Variants in COL24A1 observed in about 807,000 individuals in gnomAD.
COL24A1 encodes the protein collagen alpha-1(XXIV) chain.
Under a neutral mutation model 253.9 loss-of-function variants are expected in COL24A1, and 224 were observed. That is an observed-to-expected ratio of 0.88 (90% CI 0.79 to 0.99). The LOEUF (loss-of-function observed/expected upper bound fraction) is 0.99, where lower values mean the gene tolerates loss of function less well. Ranked by LOEUF, COL24A1 falls within the 50% of genes least tolerant of loss-of-function variation. The pLI, the probability that COL24A1 is intolerant of heterozygous loss-of-function variation, is 0.00. For synonymous variants in COL24A1, 685 were observed against 673.7 expected (o/e 1.02, Z -0.26); for missense variants, 2,131 against 2,068.5 (o/e 1.03, Z -0.59).
At chr1:85,742,937 A>C (rs1664813669) in intron 57 of COL24A1, among the ~76,000 whole-genome samples, 1 of 152,092 alleles carries the variant, frequency 6.6e-6, no homozygotes, top group Admixed American at 6.5e-5. Flanking sequence ...TCAAGAATCT[A>C]ACCACTTTTT....
At chr1:86,051,782 C>CAGCTGG (rs1156500611) in intron 10 of COL24A1, among the ~76,000 whole-genome samples, 1 of 152,068 alleles carries the variant, frequency 6.6e-6, no homozygotes, top group Non-Finnish European at 1.5e-5. Flanking sequence ...CTAAAGTTTA[C>CAGCTGG]AGCTGGACTG....
chr1:85,973,327 C>G (rs1253500292), intron 20 of COL24A1, among the ~76,000 whole-genome samples: 1 of 151,982 alleles, frequency 6.6e-6, no homozygotes, highest in African/African-American at 2.4e-5. Flanking sequence ...CCAATGAATT[C>G]ATAATTTATT....
chr1:85,775,953 TGA>T (rs1668499149), intron 52 of COL24A1, among the ~76,000 whole-genome samples: 1 of 152,172 alleles, frequency 6.6e-6, no homozygotes. Context: ...AAGGTGAGAC[TGA>T]GATAACTACT....
intron 19 of COL24A1, 85 bp from the exon 20 acceptor site, chr1:85,987,739 C>A: frequency 8.6e-7 from 1 of 1,157,312 alleles, no homozygotes; most frequent in East Asian, 2.5e-5. Context: ...TGCTATTCCT[C>A]CATATCCAGT....
At chr1:86,058,474 G>A (rs890855999) in intron 9 of COL24A1, among the ~76,000 whole-genome samples, 2 of 150,928 alleles carry the variant, frequency 1.3e-5, no homozygotes, top group African/African-American at 4.8e-5. Context: ...ATGGAATTTT[G>A]TTAACAATTT....
rs150725011 is a variant in COL24A1, at chr1:86,024,096, T to C, written c.2050-1089A>G. ...TTTCCAGTCTCCTTTCCTTCCATTG[T>C]CCTCATTTCCCTTCCACTTTACTTC... On this transcript the variant is annotated intron_variant, in intron 14 of 59. Coordinates refer to ENST00000370571, the MANE Select transcript of COL24A1 (RefSeq NM_152890.7). Among the ~76,000 whole-genome samples the C allele has an allele frequency of 8.5e-5, 13 of 152,224 alleles. No homozygotes were observed. The East Asian group carries it at 2.5e-3, about 29-fold the overall frequency.
intron 37 of COL24A1, among the ~76,000 whole-genome samples, chr1:85,849,734 G>A (rs996297248): frequency 3.9e-5 from 6 of 152,100 alleles, no homozygotes; most frequent in African/African-American, 1.4e-4. Flanking sequence ...TGCCTTCTAC[G>A]TCACAGGCTG....
intron 19 of COL24A1, among the ~76,000 whole-genome samples, chr1:86,002,450 CT>C (rs1695514210): frequency 6.6e-6 from 1 of 152,180 alleles, no homozygotes; most frequent in Admixed American, 6.5e-5. Context: ...GCAAATGTAA[CT>C]TTTTCCTTTA....
chr1:85,873,269 A>T (rs980603057), intron 35 of COL24A1, among the ~76,000 whole-genome samples: 4 of 152,272 alleles, frequency 2.6e-5, no homozygotes, highest in Admixed American at 6.5e-5. Context: ...CCATTGTGGA[A>T]GACAGTGTGG....
intron 24 of COL24A1, among the ~76,000 whole-genome samples, chr1:85,948,432 G>A (rs1317318029): frequency 6.7e-6 from 1 of 148,404 alleles, no homozygotes; most frequent in Non-Finnish European, 1.5e-5. Flanking sequence ...GCTGAGGCAG[G>A]AGAATGGCGT....
intron 46 of COL24A1, among the ~76,000 whole-genome samples, chr1:85,817,098 C>T (rs1673116790): frequency 6.6e-6 from 1 of 152,072 alleles, no homozygotes; most frequent in Non-Finnish European, 1.5e-5. Flanking sequence ...TAAAAGTTCC[C>T]CAAACAAAAA....
In COL24A1 at chr1:86,017,132, C is replaced by A. The variant is rs771796059; in HGVS notation, c.2310+19G>T. ...CACCATTTTGTTTCAAATTTATTAA[C>A]TTTCCACCAATATTTTACCTCTGGT... is the stretch of plus-strand genomic sequence containing the variant. On this transcript the variant is annotated intron_variant, in intron 19 of 59. Transcript: ENST00000370571. The A allele has an allele frequency of 6.3e-7, 1 of 1,592,128 alleles. No homozygotes were observed. The highest frequency in any genetic ancestry group is 2.3e-5 in the East Asian group (1 of 43,102).
intron 53 of COL24A1, among the ~76,000 whole-genome samples, chr1:85,768,263 G>A (rs1667578700): frequency 6.6e-6 from 1 of 152,102 alleles, no homozygotes; most frequent in Non-Finnish European, 1.5e-5. Flanking sequence ...GTTCATGTAG[G>A]GCCTTGTAAA....
intron 39 of COL24A1, among the ~76,000 whole-genome samples, chr1:85,842,673 TC>T (rs1365173691): frequency 1.3e-5 from 2 of 152,140 alleles, no homozygotes; most frequent in African/African-American, 4.8e-5. Flanking sequence ...ATCCTGCTGC[TC>T]CCTAACGAAT....
Position 85,745,469 on chromosome 1 carries a change from A to C in COL24A1, c.4475T>G (p.Ile1492Ser), listed in dbSNP as rs1354828344. The C allele has an allele frequency of 2.5e-6, 4 of 1,610,760 alleles. No homozygotes were observed. Among genetic ancestry groups the C allele is most frequent in the Non-Finnish European group, 3.4e-6 (4 of 1,178,682 alleles). ...MDINAAIQAL[I>S]ESNTALQMES... ...CATCTGTAGGGCAGTATTTGATTCA[A>C]TCAAGGCTTGAATAGCAGCATTGAT... The change falls in exon 56 of 60, where the codon ATT becomes AGT. Residue 1492 changes from isoleucine to serine, a missense_variant. Physicochemically the swap from Ile to Ser is moderately radical, Grantham distance 142 (BLOSUM62 -2). Transcript: ENST00000370571.
intron 32 of COL24A1, 70 bp downstream of exon 32, chr1:85,889,490 G>A: frequency 7.7e-7 from 1 of 1,305,818 alleles, no homozygotes; most frequent in Non-Finnish European, 1.1e-6. Flanking sequence ...CAGCACAGCA[G>A]AGCAATAATG....
chr1:85,811,966 C>A (rs763723770), intron 47 of COL24A1, among the ~76,000 whole-genome samples: 1 of 152,154 alleles, frequency 6.6e-6, no homozygotes, highest in Non-Finnish European at 1.5e-5. Flanking sequence ...ATAAGAGAAA[C>A]CCTGCTTATA....
intron 7 of COL24A1, among the ~76,000 whole-genome samples, chr1:86,081,755 C>T (rs1245309829): frequency 2.6e-5 from 4 of 152,116 alleles, no homozygotes; most frequent in Admixed American, 2.6e-4. Context: ...GTTAATCATA[C>T]TTAATATACT....
intron 5 of COL24A1, among the ~76,000 whole-genome samples, chr1:86,107,628 G>T (rs1356860804): frequency 6.6e-6 from 1 of 151,764 alleles, no homozygotes; most frequent in African/African-American, 2.4e-5. Flanking sequence ...TCCGCCTCCC[G>T]GGTTCACGCC....
Sources: allele counts gnomAD v4.1 joint callset (sites outside exome capture counted in the v4.1 genomes callset), GRCh38; gene constraint gnomAD v4.1.1; transcripts MANE v1.5; gene names NCBI Gene and HGNC (gene_info 2026-07-23, HGNC 2026-07-21).